CPE: variants seen among roughly 807,000 people sequenced by gnomAD.
CPE encodes carbocypeptidase E.
A neutral mutation model predicts 53.5 loss-of-function variants in CPE; 17 were observed. The observed-to-expected ratio is 0.32, with a 90% CI of 0.22 to 0.48. The LOEUF (loss-of-function observed/expected upper bound fraction) is 0.48. CPE is among the 20% of genes least tolerant of loss of function. CPE has a pLI of 0.99. For missense variants in CPE, 524 were observed against 614.7 expected (o/e 0.85, Z 1.56); for synonymous variants, 226 against 228.8 (o/e 0.99, Z 0.11).
chr4:165,431,657 G>C (rs1054113752), intron 1 of CPE, among the ~76,000 whole-genome samples: 2 of 152,102 alleles, frequency 1.3e-5, no homozygotes, highest in Non-Finnish European at 2.9e-5. Context: ...GGTTTTTTCT[G>C]TATATATTAT....
chr4:165,383,351 A>G (rs140225667), intron 1 of CPE, among the ~76,000 whole-genome samples: 1 of 152,238 alleles, frequency 6.6e-6, no homozygotes, highest in East Asian at 1.9e-4. Context: ...ATGCCTTCCT[A>G]GGCATGTATA....
At chr4:165,478,164 C>A (rs1408678271) in intron 3 of CPE, among the ~76,000 whole-genome samples, 1 of 152,122 alleles carries the variant, frequency 6.6e-6, no homozygotes, top group African/African-American at 2.4e-5. Context: ...AATTATAGAA[C>A]ATCATATTTG....
intron 1 of CPE, among the ~76,000 whole-genome samples, chr4:165,418,630 TG>T: frequency 6.6e-6 from 1 of 152,330 alleles, no homozygotes; most frequent in East Asian, 1.9e-4. Context: ...AAACGTGTTT[TG>T]TTTTGCATAA....
At chr4:165,430,044 CA>C (rs199563512) in intron 1 of CPE, among the ~76,000 whole-genome samples, 1 of 149,202 alleles carries the variant, frequency 6.7e-6, no homozygotes, top group Non-Finnish European at 1.5e-5. Flanking sequence ...ATGGAAATAT[CA>C]AAAAATAAAA....
intron 1 of CPE, chr4:165,404,037 CACTG>C: frequency 1.2e-6 from 1 of 866,006 alleles, no homozygotes; most frequent in Non-Finnish European, 2.0e-6. Flanking sequence ...GGGGTTAGTG[CACTG>C]ACTGAGTGAG....
At chr4:165,404,776 T>A (rs1730926241) in intron 1 of CPE, 3 of 777,542 alleles carry the variant, frequency 3.9e-6, no homozygotes, top group Non-Finnish European at 7.2e-6. Context: ...TGAGACCGAT[T>A]GCTACAGTTG....
Position 165,379,444 on chromosome 4 carries a change from A to G in CPE, c.223A>G (p.Arg75Gly). Residue 75 changes from arginine (R) to glycine (G), a missense_variant, in exon 1 of 9, where the codon AGG becomes GGG. By Grantham distance (125) the Arg-to-Gly change is moderately radical (BLOSUM62 -2). Coordinates refer to ENST00000402744, the MANE Select transcript of CPE (RefSeq NM_001873.4). The surrounding 1 kb of genome is among the most constrained non-coding windows in gnomAD (Gnocchi z 6.0). The stretch of plus-strand genomic sequence containing the variant: ...GTGGCTGCAGTGCACCGCCATCAGC[A>G]GGATTTACACGGTGGGGCGCAGCTT... ...SVWLQCTAIS[R>G]IYTVGRSFEG... 6.2e-7 allele frequency: 1 copy of G among 1,610,234 alleles called. No individual in the cohort carries two copies. Among genetic ancestry groups the G allele is most frequent in the Non-Finnish European group, 8.5e-7 (1 of 1,178,620 alleles).
intron 1 of CPE, among the ~76,000 whole-genome samples, chr4:165,459,505 T>C (rs1261469839): frequency 1.3e-5 from 2 of 151,852 alleles, no homozygotes; most frequent in Non-Finnish European, 2.9e-5. Context: ...TGTGGGAAAA[T>C]TGACACAATG....
At chr4:165,450,269 T>TG (rs575210087) in intron 1 of CPE, among the ~76,000 whole-genome samples, 66 of 152,268 alleles carry the variant, frequency 4.3e-4, no homozygotes, top group African/African-American at 1.6e-3. Context: ...GTCAAGATTT[T>TG]GGGGGGCTAC....
chr4:165,496,271 T>G (rs1261118354), intron 8 of CPE, among the ~76,000 whole-genome samples: 1 of 152,204 alleles, frequency 6.6e-6, no homozygotes, highest in Non-Finnish European at 1.5e-5. Flanking sequence ...CTAAAAAGCT[T>G]ACTTGAAAAG....
Position 165,379,596 on chromosome 4 carries a change from G to A in CPE, c.307+68G>A. ...GGGGGCGGCAGAGGGTGGGACTGGT[G>A]GCGGTGGGGGAAGGAGGGAGGGATG... On this transcript the variant is annotated intron_variant, in intron 1 of 8. Transcript: ENST00000402744. This position sits in a 1 kb window ranked among gnomAD's most constrained non-coding sequence, Gnocchi z 6.0. The A allele has an allele frequency of 1.5e-6, 2 of 1,313,606 alleles. No individual in the cohort carries two copies. Among genetic ancestry groups the A allele is most frequent in the Non-Finnish European group, 2.0e-6 (2 of 995,498 alleles). The allele number at this position is 1,313,606 out of a possible 1,614,324, so 81.4% of individuals were successfully genotyped here. A position where few individuals can be genotyped will look rare whatever the true frequency, so the allele number is the denominator to read the frequency against.
chr4:165,393,029 C>G (rs1184469654), intron 1 of CPE, among the ~76,000 whole-genome samples: 1 of 151,600 alleles, frequency 6.6e-6, no homozygotes, highest in Non-Finnish European at 1.5e-5. Flanking sequence ...ATTGAGCACT[C>G]TCTAGTAAGC....
chr4:165,411,504 G>A (rs1177952432), intron 1 of CPE, among the ~76,000 whole-genome samples: 3 of 152,040 alleles, frequency 2.0e-5, no homozygotes, highest in African/African-American at 7.2e-5. Flanking sequence ...TAAATAATTG[G>A]CCAGGAATAG....
intron 2 of CPE, among the ~76,000 whole-genome samples, 185 bp from the exon 3 acceptor site, chr4:165,467,503 A>C (rs978466502): frequency 6.6e-6 from 1 of 152,246 alleles, no homozygotes; most frequent in Non-Finnish European, 1.5e-5. Context: ...GGCCCATCAC[A>C]GTACTTTAAA....
intron 1 of CPE, chr4:165,405,957 G>T: frequency 1.4e-6 from 1 of 732,318 alleles, no homozygotes. Context: ...GACTTTTCAA[G>T]TTTCTCAAAT....
At chr4:165,429,400 T>A (rs1731372186) in intron 1 of CPE, among the ~76,000 whole-genome samples, 1 of 152,230 alleles carries the variant, frequency 6.6e-6, no homozygotes, top group Non-Finnish European at 1.5e-5. Flanking sequence ...TTTGCTTTTT[T>A]AAACATACTT....
chr4:165,444,459 C>T (rs1482580973), intron 1 of CPE, among the ~76,000 whole-genome samples: 2 of 151,422 alleles, frequency 1.3e-5, no homozygotes, highest in Non-Finnish European at 2.9e-5. Context: ...CTCAGGCATT[C>T]GAGACCAGCC....
At chr4:165,409,943 G>A (rs1006171781) in intron 1 of CPE, among the ~76,000 whole-genome samples, 2 of 151,752 alleles carry the variant, frequency 1.3e-5, no homozygotes, top group East Asian at 1.9e-4. Context: ...AAAAAACACA[G>A]ACAAACAAAC....
At chr4:165,492,481 G>A (rs1342864537) in intron 6 of CPE, among the ~76,000 whole-genome samples, 1 of 152,124 alleles carries the variant, frequency 6.6e-6, no homozygotes, top group Admixed American at 6.5e-5. Flanking sequence ...CTCAGACACC[G>A]AGTTAAAGAA....
Sources: allele counts gnomAD v4.1 joint callset (sites outside exome capture counted in the v4.1 genomes callset), GRCh38; gene constraint gnomAD v4.1.1; non-coding constraint Gnocchi (gnomAD v3.1); transcripts MANE v1.5; gene names NCBI Gene and HGNC (gene_info 2026-07-23, HGNC 2026-07-21).